The following SEMA6D variants were observed in gnomAD, a reference collection of about 807,000 sequenced individuals.
SEMA6D encodes the protein semaphorin 6D.
SEMA6D carries 35 observed loss-of-function variants against 106.6 expected under a neutral mutation model. The ratio of observed to expected loss-of-function variants is 0.33; its 90% CI spans 0.25 to 0.44. SEMA6D has a LOEUF of 0.44. SEMA6D is among the 20% of genes least tolerant of loss of function. The pLI is 1.00. For synonymous variants in SEMA6D, 499 were observed against 487.7 expected, an observed-to-expected ratio of 1.02 and a Z score of -0.31; for missense variants, 1,185 against 1,345.9, an observed-to-expected ratio of 0.88 and a Z score of 1.87.
At chr15:47,388,301 C>A (rs978139292) in intron 1 of SEMA6D, among the ~76,000 whole-genome samples, 8 of 151,952 alleles carry the variant, frequency 5.3e-5, no homozygotes, top group Admixed American at 3.9e-4. Context: ...TGCAGTCGTC[C>A]CTCCTTTACC....
upstream of SEMA6D, among the ~76,000 whole-genome samples, chr15:47,714,117 C>T (rs570834182): frequency 6.6e-6 from 1 of 152,200 alleles, no homozygotes; most frequent in South Asian, 2.1e-4. Flanking sequence ...AATAAATTAT[C>T]CCAAGTCACA....
chr15:47,493,487 T>G lies in SEMA6D; in HGVS notation c.-87+22942T>G, dbSNP rs1596144810. ...ATATATCTGAAGCAGTTACCAATGC[T>G]GGGCATTGGAAGAAGATTAGCCACA... On this transcript the variant is annotated intron_variant, in intron 3 of 19. Transcript: ENST00000558014. Among the ~76,000 whole-genome samples the G allele has an allele frequency of 2.6e-5, 4 of 152,174 alleles. No homozygotes were observed. In the South Asian group the frequency reaches 8.3e-4, roughly 31 times the overall value.
intron 1 of SEMA6D, among the ~76,000 whole-genome samples, chr15:47,250,390 GAGAAAGAGAA>G (rs2141916169): frequency 6.6e-6 from 1 of 151,412 alleles, no homozygotes; most frequent in African/African-American, 2.4e-5. Flanking sequence ...AAGAGAAAAA[GAGAAAGAGAA>G]AGAAAGAGAG....
At chr15:47,371,726 C>T (rs1318431474) in intron 1 of SEMA6D, among the ~76,000 whole-genome samples, 1 of 152,150 alleles carries the variant, frequency 6.6e-6, no homozygotes, top group East Asian at 1.9e-4. Context: ...ATCTGGTCAT[C>T]TTAAGCATCT....
intron 4 of SEMA6D, among the ~76,000 whole-genome samples, chr15:47,618,835 A>G (rs1236667739): frequency 2.6e-5 from 4 of 152,230 alleles, no homozygotes; most frequent in Non-Finnish European, 5.9e-5. Flanking sequence ...CAGTAGGGCT[A>G]TAATAGTAAC....
intron 1 of SEMA6D, among the ~76,000 whole-genome samples, chr15:47,205,346 C>G (rs1318303909): frequency 6.6e-6 from 1 of 152,010 alleles, no homozygotes; most frequent in African/African-American, 2.4e-5. Context: ...GAAAGTGAAC[C>G]CTTGAAGGTG....
At chr15:47,595,026 C>T (rs1184516986) in intron 3 of SEMA6D, among the ~76,000 whole-genome samples, 1 of 152,040 alleles carries the variant, frequency 6.6e-6, no homozygotes, top group African/African-American at 2.4e-5. Flanking sequence ...GGGAGATATC[C>T]AGGTGAGGGG....
intron 1 of SEMA6D, among the ~76,000 whole-genome samples, chr15:47,257,914 A>T (rs145323545): frequency 1.3e-5 from 2 of 152,280 alleles, no homozygotes; most frequent in East Asian, 3.9e-4. Context: ...GTTTATGCTT[A>T]ATGTATTTTG....
At chr15:47,466,311 A>T (rs1444368576) in intron 2 of SEMA6D, among the ~76,000 whole-genome samples, 3 of 152,010 alleles carry the variant, frequency 2.0e-5, no homozygotes, top group African/African-American at 7.2e-5. Flanking sequence ...AAATCCCTCC[A>T]TTACTCCCAC....
chr15:47,446,966 C>T (rs1010089155), intron 2 of SEMA6D, among the ~76,000 whole-genome samples: 1 of 152,072 alleles, frequency 6.6e-6, no homozygotes, highest in Admixed American at 6.6e-5. Context: ...GGACAACATC[C>T]GGAAATCACG....
chr15:47,284,610 C>T (rs910403642), intron 1 of SEMA6D, among the ~76,000 whole-genome samples: 1 of 152,164 alleles, frequency 6.6e-6, no homozygotes, highest in Non-Finnish European at 1.5e-5. Context: ...ATTACAAAAA[C>T]TATGTCCTAG....
intron 1 of SEMA6D, among the ~76,000 whole-genome samples, chr15:47,272,323 A>G (rs542956037): frequency 6.6e-6 from 1 of 152,274 alleles, no homozygotes; most frequent in African/African-American, 2.4e-5. Context: ...TCTACTCAAA[A>G]AGATGGAGTT....
At chr15:47,308,828 G>C (rs16959249) in intron 1 of SEMA6D, among the ~76,000 whole-genome samples, 2,258 of 152,266 alleles carry the variant, frequency 0.015, 56 homozygotes, top group African/African-American at 0.051. Flanking sequence ...TTGGACAGTA[G>C]CTAAAATCAA....
intron 1 of SEMA6D, among the ~76,000 whole-genome samples, chr15:47,210,178 C>T (rs1397598168): frequency 2.0e-5 from 3 of 152,140 alleles, no homozygotes; most frequent in Non-Finnish European, 4.4e-5. Context: ...TTTTCACTAG[C>T]TTTTACTGTA....
At chr15:47,565,240 G>A (rs2046195746) in intron 3 of SEMA6D, among the ~76,000 whole-genome samples, 1 of 152,200 alleles carries the variant, frequency 6.6e-6, no homozygotes, top group Non-Finnish European at 1.5e-5. Context: ...TGCAGGGCCG[G>A]CACAGAGTTT....
At chr15:47,569,558 C>T (rs1297180333) in intron 3 of SEMA6D, among the ~76,000 whole-genome samples, 1 of 152,100 alleles carries the variant, frequency 6.6e-6, no homozygotes, top group East Asian at 1.9e-4. Context: ...CAATTCCCCT[C>T]AGAGGACCTA....
chr15:47,498,322 T>C (rs2141558117), intron 3 of SEMA6D, among the ~76,000 whole-genome samples: 2 of 152,260 alleles, frequency 1.3e-5, no homozygotes, highest in African/African-American at 4.8e-5. Context: ...TTGAGAGTTA[T>C]GAACCAGCCT....
intron 4 of SEMA6D, among the ~76,000 whole-genome samples, chr15:47,638,014 T>G (rs550716835): frequency 1.1e-3 from 163 of 152,276 alleles, no homozygotes; most frequent in African/African-American, 3.8e-3. Context: ...TATAAGCAGA[T>G]TTGACCAAAA....
chr15:47,591,010 A>G (rs899165724), intron 3 of SEMA6D, among the ~76,000 whole-genome samples: 1 of 152,216 alleles, frequency 6.6e-6, no homozygotes, highest in African/African-American at 2.4e-5. Context: ...TCCTGGTGCT[A>G]TAACAAAATC....
Sources: allele counts gnomAD v4.1 joint callset (sites outside exome capture counted in the v4.1 genomes callset), GRCh38; gene constraint gnomAD v4.1.1; transcripts MANE v1.5; gene names NCBI Gene and HGNC (gene_info 2026-07-23, HGNC 2026-07-21).